Variants in TMEM200A observed in about 807,000 individuals in gnomAD.
TMEM200A encodes the protein two transmembrane C.
TMEM200A carries 12 observed loss-of-function variants against 24.3 expected under a neutral mutation model. That is an observed-to-expected ratio of 0.49 (90% confidence interval 0.32 to 0.80). TMEM200A has a LOEUF of 0.80. Among genes scored for constraint, TMEM200A ranks in the 30% least tolerant of loss-of-function variants. The pLI is 0.04. For synonymous variants in TMEM200A, 224 were observed against 224.4 expected (o/e 1.00, Z 0.02); for missense variants, 545 against 614.4 (o/e 0.89, Z 1.19).
chr6:130,367,036 T>C (rs1778183784), intron 1 of TMEM200A, among the ~76,000 whole-genome samples: 1 of 152,256 alleles, frequency 6.6e-6, no homozygotes, highest in Non-Finnish European at 1.5e-5. Flanking sequence ...TCATTAATCA[T>C]TCTTTTGCTA....
rs571389600 is a variant in TMEM200A, at chr6:130,378,234, A to G, written c.-80-6939A>G. On this transcript the variant is annotated intron_variant, in intron 1 of 2. Coordinates refer to ENST00000296978, the MANE Select transcript of TMEM200A (RefSeq NM_001258277.2). ...ACTTTCATGTGACCACATGATTTCT[A>G]AGAATATTGAATTAGAGTTCAGGCA... Among the ~76,000 whole-genome samples the G allele has an allele frequency of 3.3e-5, 5 of 152,276 alleles. No individual in the cohort carries two copies. In the South Asian group the frequency reaches 1.0e-3, roughly 32 times the overall value.
chr6:130,399,654 CTATT>C (rs1779036433), intron 2 of TMEM200A, among the ~76,000 whole-genome samples: 1 of 150,312 alleles, frequency 6.7e-6, no homozygotes, highest in Non-Finnish European at 1.5e-5. Flanking sequence ...TATTTATTCC[CTATT>C]TATATTCAAA....
At chr6:130,377,338 G>A (rs118011563) in intron 1 of TMEM200A, among the ~76,000 whole-genome samples, 1,881 of 152,312 alleles carry the variant, frequency 0.012, 17 homozygotes, top group Non-Finnish European at 0.019. Context: ...GGCAGCACAT[G>A]CCATCCATCT....
chr6:130,412,156 G>C (rs187409252), intron 2 of TMEM200A, among the ~76,000 whole-genome samples: 16 of 145,772 alleles, frequency 1.1e-4, no homozygotes, highest in African/African-American at 4.1e-4. Flanking sequence ...TCCTGCTCTA[G>C]CTCTGAAATT....
At chr6:130,421,776 A>G (rs1779597905) in intron 2 of TMEM200A, among the ~76,000 whole-genome samples, 1 of 151,992 alleles carries the variant, frequency 6.6e-6, no homozygotes, top group East Asian at 1.9e-4. Flanking sequence ...TGTAAGTGAG[A>G]TCATACAGTA....
intron 2 of TMEM200A, among the ~76,000 whole-genome samples, chr6:130,417,162 C>G (rs1475277779): frequency 4.6e-5 from 7 of 152,094 alleles, no homozygotes; most frequent in Non-Finnish European, 1.0e-4. Context: ...CTGAGTTGTT[C>G]ATCATTTTAT....
chr6:130,440,498 G>T lies in TMEM200A; in HGVS notation c.76G>T (p.Val26Phe), dbSNP rs764103239. 4 of 1,613,948 alleles carry T rather than the reference G, an allele frequency of 2.5e-6. No individual in the cohort carries two copies. Among genetic ancestry groups the T allele is most frequent in the Admixed American group, 1.7e-5 (1 of 60,002 alleles). The part of the protein sequence containing the change: ...RQDSARSQQH[V>F]NLSPSPATQE... ...AGACTCTGCCAGATCACAGCAGCATGTCAACCTCAGCCCGTCTCCTGCTAC... is the reference window on the plus strand; with the variant it reads ...AGACTCTGCCAGATCACAGCAGCATTTCAACCTCAGCCCGTCTCCTGCTAC... Residue 26 changes from valine (V) to phenylalanine (F), a missense_variant, in exon 3 of 3, where the codon GTC (valine) becomes TTC (phenylalanine). Coordinates refer to ENST00000296978, the MANE Select transcript of TMEM200A (RefSeq NM_001258277.2).
In TMEM200A at chr6:130,440,569, G is replaced by T. The variant is rs1382062984; in HGVS notation, c.147G>T (p.Val49=). Residue 49 remains valine (V), a synonymous_variant, in exon 3 of 3, where the codon GTG becomes GTT. Transcript: ENST00000296978. ...PIRRRPRADV[V]VVRGKIRLYS... ...GGCGCCGGCCCCGGGCAGATGTTGT[G>T]GTTGTTCGTGGCAAAATCCGGCTTT... 4 of 1,614,012 alleles carry T rather than the reference G, an allele frequency of 2.5e-6. No homozygotes were observed. The Admixed American group carries it at 5.0e-5, about 20-fold the overall frequency.
At chr6:130,399,734 A>G (rs1315627139) in intron 2 of TMEM200A, among the ~76,000 whole-genome samples, 1 of 151,226 alleles carries the variant, frequency 6.6e-6, no homozygotes, top group African/African-American at 2.4e-5. Flanking sequence ...ATTTGATTAC[A>G]TAAGTAAGTT....
intron 2 of TMEM200A, among the ~76,000 whole-genome samples, chr6:130,389,104 G>A (rs79529810): frequency 0.027 from 4,101 of 152,246 alleles, 65 homozygotes; most frequent in African/African-American, 0.041. Flanking sequence ...GTAAAATACA[G>A]TTTTAGATTC....
upstream of TMEM200A, chr6:130,365,994 C>A (rs1412927453): frequency 1.6e-5 from 16 of 985,576 alleles, no homozygotes; most frequent in Non-Finnish European, 1.9e-5. Flanking sequence ...GGCTTTATGG[C>A]GTGAGGTTTG....
rs748240334 is a variant in TMEM200A, at chr6:130,441,909, A to G, written c.*11A>G. ...GAAACAAGGTTTTAATGTTAAAAGA[A>G]TATATCATTTTACAAGGGTATATAT... On this transcript the variant is annotated 3_prime_UTR_variant, in exon 3 of 3. Transcript: ENST00000296978. 42 of 1,579,474 alleles carry G rather than the reference A, an allele frequency of 2.7e-5. No individual in the cohort carries two copies. The highest frequency in any genetic ancestry group is 3.4e-5 in the Non-Finnish European group (40 of 1,166,498).
intron 2 of TMEM200A, among the ~76,000 whole-genome samples, chr6:130,425,339 A>C (rs1357801643): frequency 6.6e-6 from 1 of 152,192 alleles, no homozygotes; most frequent in African/African-American, 2.4e-5. Flanking sequence ...GTTGAGTTGG[A>C]GTCTGCTTTC....
In TMEM200A at chr6:130,442,371, A is replaced by G. The variant is rs1780219401; in HGVS notation, c.*473A>G. 1 of 166,440 alleles carries G rather than the reference A, an allele frequency of 6.0e-6. No homozygotes were observed. The highest frequency in any genetic ancestry group is 6.5e-5 in the Admixed American group (1 of 15,304). 10.3% of individuals were successfully genotyped at this position (166,440 alleles called of 1,614,324 possible). On this transcript the variant is annotated 3_prime_UTR_variant, in exon 3 of 3. Coordinates refer to ENST00000296978, the MANE Select transcript of TMEM200A (RefSeq NM_001258277.2). ...ATTGTTCTTTGTAGGATTTGGTTAC[A>G]TTATTTAAAATGAAAAAGATCTAGT...
rs766311663 is a variant in TMEM200A at position 130,440,630 on chromosome 6, C to T, written c.208C>T (p.Leu70Phe). The change falls in exon 3 of 3, where the codon CTC becomes TTC. Residue 70 changes from leucine (L) to phenylalanine (F), a missense_variant. By Grantham distance (22) the Leu-to-Phe change is conservative. Transcript: ENST00000296978. ...PSGFFLILGV[L>F]ISIIGIAMAV... is the part of the protein sequence containing the mutation. ...TGGTTTTTTTCTTATTTTAGGAGTGCTCATCTCCATTATAGGAATTGCTAT... is the reference window on the plus strand; with the variant it reads ...TGGTTTTTTTCTTATTTTAGGAGTGTTCATCTCCATTATAGGAATTGCTAT... 3.8e-5 allele frequency: 61 copies of T among 1,613,760 alleles called. No individual in the cohort carries two copies. In the African/African-American group the frequency reaches 5.1e-4, roughly 13 times the overall value.
intron 2 of TMEM200A, among the ~76,000 whole-genome samples, chr6:130,391,199 A>T (rs1452435690): frequency 6.6e-6 from 1 of 152,224 alleles, no homozygotes; most frequent in African/African-American, 2.4e-5. Context: ...AGTGCAATAA[A>T]TGTGGAAAGA....
chr6:130,411,580 G>T (rs1196368002), intron 2 of TMEM200A, among the ~76,000 whole-genome samples: 2 of 152,288 alleles, frequency 1.3e-5, no homozygotes, highest in Non-Finnish European at 2.9e-5. Context: ...GTTGAATTTA[G>T]TGGTTGTATC....
At chr6:130,399,235 C>T (rs1320886259) in intron 2 of TMEM200A, among the ~76,000 whole-genome samples, 2 of 151,818 alleles carry the variant, frequency 1.3e-5, no homozygotes, top group Non-Finnish European at 2.9e-5. Context: ...TAATGTTTTA[C>T]TTCATTGTAA....
chr6:130,433,858 C>T (rs1168490439), intron 2 of TMEM200A, among the ~76,000 whole-genome samples: 1 of 152,140 alleles, frequency 6.6e-6, no homozygotes, highest in Non-Finnish European at 1.5e-5. Flanking sequence ...GGCAGGGACC[C>T]TTATGCAATA....
Sources: gnomAD v4.1 joint callset for allele counts (sites outside exome capture counted in the v4.1 genomes callset) on GRCh38, gnomAD v4.1.1 for gene constraint, MANE v1.5 for transcripts, NCBI Gene and HGNC (gene_info 2026-07-23, HGNC 2026-07-21) for gene names.